Variants in AAK1 observed in about 807,000 individuals in gnomAD.
AAK1 encodes AP2-associated protein kinase 1.
AAK1 carries 37 observed loss-of-function variants against 116.0 expected under a neutral mutation model. That is an observed-to-expected ratio of 0.32 (90% CI 0.25 to 0.42). The LOEUF (loss-of-function observed/expected upper bound fraction) is 0.42. AAK1 is among the 10% of genes least tolerant of loss of function. The pLI, the probability that AAK1 is intolerant of heterozygous loss-of-function variation, is 1.00. For missense variants in AAK1, 919 were observed against 1,170.6 expected (o/e 0.79, Z 3.14); for synonymous variants, 458 against 439.9 (o/e 1.04, Z -0.51).
rs1346113795 is a variant in AAK1 at position 69,463,300 on chromosome 2, TC to T, written c.*12568del. 6 of 152,156 alleles carry T rather than the reference TC, an allele frequency of 3.9e-5. No individual in the cohort carries two copies. Among genetic ancestry groups the T allele is most frequent in the African/African-American group, 1.4e-4 (6 of 41,418 alleles). The allele number at this position is 152,156 out of a possible 1,614,324, so 9.4% of individuals were successfully genotyped here. ...GTTGAAACCTAATGCAGCAGTTCTTTCCAGTGAGTTGAACTGCCTTAGCAGA... is the reference window on the plus strand; with the variant it reads ...GTTGAAACCTAATGCAGCAGTTCTTTCAGTGAGTTGAACTGCCTTAGCAGA... On this transcript the variant is annotated 3_prime_UTR_variant, in exon 22 of 22. Transcript: ENST00000409085.
chr2:69,627,296 G>GAAAA (rs202013778), intron 2 of AAK1, among the ~76,000 whole-genome samples: 2 of 95,112 alleles, frequency 2.1e-5, no homozygotes, highest in African/African-American at 7.1e-5. Context: ...CTCAAAAAGA[G>GAAAA]AAAAAAAAAA....
chr2:69,581,018 T>G (rs1672520726), intron 2 of AAK1, among the ~76,000 whole-genome samples: 2 of 152,110 alleles, frequency 1.3e-5, no homozygotes, highest in South Asian at 4.1e-4. Context: ...TAGAAGTACA[T>G]GTAAGTAACA....
intron 16 of AAK1, among the ~76,000 whole-genome samples, chr2:69,505,312 C>T (rs1457588979): frequency 1.3e-5 from 2 of 152,062 alleles, no homozygotes; most frequent in African/African-American, 4.8e-5. Context: ...GAGAACAAGT[C>T]CTGCATATTA....
intron 16 of AAK1, among the ~76,000 whole-genome samples, chr2:69,502,345 G>C (rs1676009339): frequency 6.6e-6 from 1 of 152,142 alleles, no homozygotes; most frequent in South Asian, 2.1e-4. Context: ...TCTCTGGCTG[G>C]GTGCGGTGGC....
rs528458797 is a variant in AAK1, at chr2:69,465,035, C to T, written c.*10834G>A. ...CGATGGGCATGACTTAGAACAGGAGCTACAGGAATTAAAACTAGCAACAAT... is the reference window on the plus strand; with the variant it reads ...CGATGGGCATGACTTAGAACAGGAGTTACAGGAATTAAAACTAGCAACAAT... On this transcript the variant is annotated 3_prime_UTR_variant, in exon 22 of 22. Coordinates refer to ENST00000409085, the MANE Select transcript of AAK1 (RefSeq NM_014911.5). 38 of 175,390 alleles carry T rather than the reference C, an allele frequency of 2.2e-4. No individual in the cohort carries two copies. The highest frequency in any genetic ancestry group is 3.4e-4 in the Non-Finnish European group (28 of 82,526). 10.9% of individuals were successfully genotyped at this position (175,390 alleles called of 1,614,324 possible).
At chr2:69,501,404 A>G (rs778307095) in intron 16 of AAK1, among the ~76,000 whole-genome samples, 9 of 152,164 alleles carry the variant, frequency 5.9e-5, no homozygotes, top group Non-Finnish European at 1.0e-4. Flanking sequence ...TACTAGGGAA[A>G]TACACACTCA....
intron 11 of AAK1, 88 bp downstream of exon 11, chr2:69,520,746 C>A (rs1325528611): frequency 9.7e-6 from 14 of 1,448,196 alleles, no homozygotes; most frequent in Non-Finnish European, 2.8e-6. Flanking sequence ...GGAGTCCAAT[C>A]CTAAAGCAAA....
intron 16 of AAK1, among the ~76,000 whole-genome samples, chr2:69,498,071 C>G (rs1675822186): frequency 6.6e-6 from 1 of 151,174 alleles, no homozygotes; most frequent in African/African-American, 2.4e-5. Context: ...ATCTCGCTCC[C>G]TGGACATCCC....
rs1030454460 is a variant in AAK1 at position 69,470,983 on chromosome 2, C to T, written c.*4886G>A. 39 of 985,462 alleles carry T rather than the reference C, an allele frequency of 4.0e-5. No individual in the cohort carries two copies. The highest frequency in any genetic ancestry group is 4.5e-5 in the Non-Finnish European group (37 of 829,844). The allele number at this position is 985,462 out of a possible 1,614,324, so 61.0% of individuals were successfully genotyped here. A position where few individuals can be genotyped will look rare whatever the true frequency, so the allele number is the denominator to read the frequency against. Reference sequence around the variant, plus strand: ...TTTACATAAGAAAGTTCTTTACAGACTTTTTTTTATACAATACTTGTGCAG... The same window carrying T: ...TTTACATAAGAAAGTTCTTTACAGATTTTTTTTTATACAATACTTGTGCAG... On this transcript the variant is annotated 3_prime_UTR_variant, in exon 22 of 22. Transcript: ENST00000409085.
At chr2:69,640,061 T>A (rs1341594923) in intron 2 of AAK1, among the ~76,000 whole-genome samples, 14 of 148,362 alleles carry the variant, frequency 9.4e-5, no homozygotes, top group Admixed American at 7.8e-4. Context: ...ACACTCTCTC[T>A]CTCTCTCTCT....
rs1558917896 is a variant in AAK1 at position 69,505,639 on chromosome 2, C to A, written c.2199G>T (p.Glu733Asp). ...KHPEKLGGSA[E>D]SLIPGFQSTQ... ...TTGATTGAAAGCCTGGGATCAAACT[C>A]TCAGCTGAGCCTCCAAGCTTCTCGG... Residue 733 changes from glutamate to aspartate, a missense_variant, in exon 16 of 22, where the codon GAG becomes GAT. Physicochemically the swap from Glu to Asp is conservative, Grantham distance 45. Coordinates refer to ENST00000409085, the MANE Select transcript of AAK1 (RefSeq NM_014911.5). 1.9e-6 allele frequency: 3 copies of A among 1,613,624 alleles called. No individual in the cohort carries two copies. Among genetic ancestry groups the A allele is most frequent in the Non-Finnish European group, 2.5e-6 (3 of 1,179,746 alleles).
chr2:69,482,766 G>C lies in AAK1; in HGVS notation c.2412C>G (p.Leu804=), dbSNP rs745886838. 2 of 1,613,904 alleles carry C rather than the reference G, an allele frequency of 1.2e-6. No individual in the cohort carries two copies. Among genetic ancestry groups the C allele is most frequent in the Non-Finnish European group, 1.7e-6 (2 of 1,179,772 alleles). ...GLKSPDTSLL[L]PDLLPMTDPF... ...GATCTGTCATAGGCAAGAGGTCAGGGAGCAGAAGAGAAGTGTCAGGAGATT... is the reference window on the plus strand; with the variant it reads ...GATCTGTCATAGGCAAGAGGTCAGGCAGCAGAAGAGAAGTGTCAGGAGATT... The change falls in exon 18 of 22, where the codon CTC becomes CTG. Residue 804 remains leucine (L), a synonymous_variant. Transcript: ENST00000409085.
intron 18 of AAK1, 145 bp from the exon 19 acceptor site, chr2:69,481,106 C>T (rs1322497923): frequency 1.6e-6 from 1 of 643,454 alleles, no homozygotes; most frequent in African/African-American, 1.9e-5. Flanking sequence ...AGCGATCTAT[C>T]CCACCTTGGC....
intron 2 of AAK1, chr2:69,597,734 C>T (rs1418177750): frequency 2.0e-5 from 3 of 151,786 alleles, no homozygotes; most frequent in Non-Finnish European, 4.4e-5. Flanking sequence ...TTTTTTTAAA[C>T]AGCCAGGCAT....
At chr2:69,642,853 T>C (rs201560064) in intron 2 of AAK1, 25 bp downstream of exon 2, 15 of 1,613,534 alleles carry the variant, frequency 9.3e-6, no homozygotes, top group Admixed American at 1.7e-5. Flanking sequence ...GATTTTAATT[T>C]ACGGCGCATT....
chr2:69,482,897 C>A, intron 17 of AAK1, 85 bp from the exon 18 acceptor site: 1 of 793,052 alleles, frequency 1.3e-6, no homozygotes, highest in South Asian at 1.6e-5. Context: ...TTTAAGCAAA[C>A]ACATTTTAGG....
intron 2 of AAK1, among the ~76,000 whole-genome samples, chr2:69,631,228 A>G (rs895967497): frequency 3.2e-4 from 49 of 152,332 alleles, no homozygotes; most frequent in African/African-American, 1.2e-3. Flanking sequence ...GCTCAGTACC[A>G]AAAGGACAAT....
intron 10 of AAK1, among the ~76,000 whole-genome samples, 153 bp from the exon 11 acceptor site, chr2:69,521,141 G>A (rs905422890): frequency 9.9e-5 from 15 of 152,186 alleles, no homozygotes; most frequent in African/African-American, 3.6e-4. Flanking sequence ...GGATGCCATT[G>A]TTACTAGACC....
chr2:69,539,363 T>TCAGA (rs1282892046), intron 5 of AAK1, among the ~76,000 whole-genome samples: 1 of 151,918 alleles, frequency 6.6e-6, no homozygotes, highest in Non-Finnish European at 1.5e-5. Flanking sequence ...TGGTGCAGAG[T>TCAGA]CAGAGTTCAC....
Sources: gnomAD v4.1 joint callset for allele counts (sites outside exome capture counted in the v4.1 genomes callset) on GRCh38, gnomAD v4.1.1 for gene constraint, MANE v1.5 for transcripts, NCBI Gene and HGNC (gene_info 2026-07-23, HGNC 2026-07-21) for gene names.